GPALPP1: variants seen among roughly 807,000 people sequenced by gnomAD.
The protein encoded by GPALPP1 is GPALPP motifs containing 1, also known as GPALPP motifs-containing protein 1.
A neutral mutation model predicts 38.9 loss-of-function variants in GPALPP1; 30 were observed. That is an observed-to-expected ratio of 0.77 (90% CI 0.58 to 1.05). The LOEUF is 1.05. Among genes scored for constraint, GPALPP1 ranks in the 50% least tolerant of loss-of-function variants. The pLI, the probability that GPALPP1 is intolerant of heterozygous loss-of-function variation, is 0.00. For synonymous variants in GPALPP1, 120 were observed against 139.2 expected (o/e 0.86, Z 0.97); for missense variants, 384 against 408.8 (o/e 0.94, Z 0.52).
At chr13:44,992,699 A>G (rs1469012880) in intron 1 of GPALPP1, among the ~76,000 whole-genome samples, 1 of 152,218 alleles carries the variant, frequency 6.6e-6, no homozygotes, top group African/African-American at 2.4e-5. Flanking sequence ...GGCACCATTT[A>G]TTGAACAGAC....
chr13:44,992,616 A>G (rs1024864575), intron 1 of GPALPP1, among the ~76,000 whole-genome samples: 7 of 152,278 alleles, frequency 4.6e-5, no homozygotes, highest in South Asian at 2.1e-4. Context: ...TATATTTGCA[A>G]TTCATCTGGA....
chr13:45,004,464 T>G, intron 2 of GPALPP1, 27 bp downstream of exon 2: 1 of 1,553,880 alleles, frequency 6.4e-7, no homozygotes, highest in South Asian at 1.1e-5. Flanking sequence ...AATTAAATGA[T>G]AGACCAAACT....
chr13:44,996,316 C>T (rs1004673373), intron 1 of GPALPP1, among the ~76,000 whole-genome samples: 1 of 151,552 alleles, frequency 6.6e-6, no homozygotes, highest in Non-Finnish European at 1.5e-5. Flanking sequence ...GATCACACCA[C>T]CGCACTCCAG....
At chr13:45,007,067 G>A (rs1350018617) in intron 3 of GPALPP1, among the ~76,000 whole-genome samples, 1 of 151,872 alleles carries the variant, frequency 6.6e-6, no homozygotes, top group Non-Finnish European at 1.5e-5. Context: ...AACTTTAGTT[G>A]TTTCAGATAT....
chr13:45,007,649 A>G (rs901086955), intron 3 of GPALPP1, among the ~76,000 whole-genome samples: 20 of 152,188 alleles, frequency 1.3e-4, no homozygotes, highest in African/African-American at 4.3e-4. Context: ...AGAGATTATT[A>G]AATGGTCAGG....
chr13:45,008,225 C>A (rs1874235808), intron 3 of GPALPP1, among the ~76,000 whole-genome samples: 1 of 152,196 alleles, frequency 6.6e-6, no homozygotes, highest in Admixed American at 6.5e-5. Context: ...TAGCTGCATT[C>A]TTCTACAGTT....
At chr13:45,004,587 CT>C in intron 2 of GPALPP1, 150 bp downstream of exon 2, 1 of 577,640 alleles carries the variant, frequency 1.7e-6, no homozygotes, top group Non-Finnish European at 3.0e-6. Flanking sequence ...TGAATTATAC[CT>C]TTTACAAAGA....
At chr13:45,026,229 C>A (rs1875825260) in intron 7 of GPALPP1, among the ~76,000 whole-genome samples, 1 of 152,040 alleles carries the variant, frequency 6.6e-6, no homozygotes, top group South Asian at 2.1e-4. Context: ...CTTTGCTTAA[C>A]CCAGTATATT....
intron 4 of GPALPP1, 40 bp downstream of exon 4, chr13:45,008,919 T>A (rs369553869): frequency 8.5e-7 from 1 of 1,174,604 alleles, no homozygotes; most frequent in African/African-American, 1.5e-5. Context: ...TTGGAAAGTT[T>A]TCATTGAAAG....
downstream of GPALPP1, chr13:45,034,730 T>A (rs1396755959): frequency 2.7e-5 from 4 of 149,742 alleles, no homozygotes; most frequent in African/African-American, 7.4e-5. Context: ...TTATTTCTTT[T>A]TTTTTTTTTT....
At chr13:45,010,912 G>A (rs1032228824) in intron 4 of GPALPP1, among the ~76,000 whole-genome samples, 1 of 152,176 alleles carries the variant, frequency 6.6e-6, no homozygotes, top group Admixed American at 6.5e-5. Context: ...GAGCCCAGGA[G>A]GTGGAGGTTG....
At chr13:44,990,037 G>A in intron 1 of GPALPP1, 1 of 512,856 alleles carries the variant, frequency 1.9e-6, no homozygotes, top group South Asian at 3.1e-5. Context: ...CATTTAAGCC[G>A]TATAAGAAAA....
chr13:45,018,484 C>T (rs1408739799), intron 6 of GPALPP1, among the ~76,000 whole-genome samples: 1 of 151,920 alleles, frequency 6.6e-6, no homozygotes, highest in East Asian at 1.9e-4. Context: ...TCCTCACTTT[C>T]CAGTCTTGAC....
chr13:45,018,181 A>C (rs1487784530), intron 6 of GPALPP1, among the ~76,000 whole-genome samples: 1 of 152,136 alleles, frequency 6.6e-6, no homozygotes, highest in Non-Finnish European at 1.5e-5. Context: ...GCGGATCACA[A>C]GGTCAGGAGA....
chr13:45,028,124 T>C lies in GPALPP1; in HGVS notation c.*121T>C. On this transcript the variant is annotated 3_prime_UTR_variant, in exon 8 of 8. Coordinates refer to ENST00000379151, the MANE Select transcript of GPALPP1 (RefSeq NM_018559.5). Reference sequence around the variant, plus strand: ...CTTTTATAATAGATTAAAAATTTTATATTTTTATAAGTAAACAGTGATTTT... The same window carrying C: ...CTTTTATAATAGATTAAAAATTTTACATTTTTATAAGTAAACAGTGATTTT... 2.1e-6 allele frequency: 1 copy of C among 481,848 alleles called. No individual in the cohort carries two copies. Among genetic ancestry groups the C allele is most frequent in the East Asian group, 3.5e-5 (1 of 28,844 alleles). 29.8% of individuals were successfully genotyped at this position (481,848 alleles called of 1,614,324 possible). A position where few individuals can be genotyped will look rare whatever the true frequency, so the allele number is the denominator to read the frequency against.
At chr13:45,024,663 T>A (rs1385361648) in intron 7 of GPALPP1, among the ~76,000 whole-genome samples, 1 of 151,530 alleles carries the variant, frequency 6.6e-6, no homozygotes, top group Non-Finnish European at 1.5e-5. Flanking sequence ...GCATAGTGGC[T>A]TATGCCTGTA....
chr13:45,032,798 G>A (rs1876265098), downstream of GPALPP1, among the ~76,000 whole-genome samples: 1 of 151,252 alleles, frequency 6.6e-6, no homozygotes. Context: ...CACTTTGGGA[G>A]GCCAAGGCAG....
chr13:45,011,484 G>T (rs1013496388), intron 4 of GPALPP1, among the ~76,000 whole-genome samples: 2 of 152,146 alleles, frequency 1.3e-5, no homozygotes, highest in African/African-American at 4.8e-5. Flanking sequence ...GGTGGAAGGG[G>T]AAGCAAACAC....
At chr13:45,022,201 C>T (rs1875478728) in intron 7 of GPALPP1, among the ~76,000 whole-genome samples, 1 of 152,144 alleles carries the variant, frequency 6.6e-6, no homozygotes, top group South Asian at 2.1e-4. Context: ...CAAGCAAGTA[C>T]ATACTTCTTA....
Sources: gnomAD v4.1 joint callset for allele counts (sites outside exome capture counted in the v4.1 genomes callset) on GRCh38, gnomAD v4.1.1 for gene constraint, MANE v1.5 for transcripts, NCBI Gene and HGNC (gene_info 2026-07-23, HGNC 2026-07-21) for gene names.